Variants in EZH2 observed in about 807,000 individuals in gnomAD.
The protein encoded by EZH2 is histone-lysine N-methyltransferase EZH2.
Under a neutral mutation model 98.4 loss-of-function variants are expected in EZH2, and 18 were observed. That is an observed-to-expected ratio of 0.18 (90% CI 0.13 to 0.27). The LOEUF (loss-of-function observed/expected upper bound fraction) is 0.27. Ranked by LOEUF, EZH2 falls within the 10% of genes least tolerant of loss-of-function variation. The pLI, the probability that EZH2 is intolerant of heterozygous loss-of-function variation, is 1.00. For synonymous variants in EZH2, 338 were observed against 312.3 expected (o/e 1.08, Z -0.87); for missense variants, 470 against 935.1 (o/e 0.50, Z 6.49).
chr7:148,833,254 C>G (rs1208402533), intron 3 of EZH2, among the ~76,000 whole-genome samples: 1 of 151,876 alleles, frequency 6.6e-6, no homozygotes, highest in Non-Finnish European at 1.5e-5. Context: ...GTCAGGAGAT[C>G]GAGACCATCC....
At chr7:148,870,400 G>A (rs982652557) in intron 1 of EZH2, among the ~76,000 whole-genome samples, 2 of 151,932 alleles carry the variant, frequency 1.3e-5, no homozygotes, top group Non-Finnish European at 2.9e-5. Flanking sequence ...TCAGCATACT[G>A]TTTAATAAGT....
intron 8 of EZH2, among the ~76,000 whole-genome samples, chr7:148,824,187 C>T (rs960338857): frequency 7.2e-5 from 11 of 151,912 alleles, no homozygotes; most frequent in Non-Finnish European, 1.2e-4. Flanking sequence ...TGGTGGCGGG[C>T]GCCTGTAATC....
chr7:148,826,694 T>C, intron 7 of EZH2, 62 bp from the exon 8 acceptor site: 2 of 1,345,572 alleles, frequency 1.5e-6, no homozygotes, highest in Non-Finnish European at 2.0e-6. Context: ...TTGAAAACAG[T>C]TTCTAAAAGG....
chr7:148,812,688 C>T (rs1265269021), intron 15 of EZH2, among the ~76,000 whole-genome samples: 1 of 152,094 alleles, frequency 6.6e-6, no homozygotes, highest in Non-Finnish European at 1.5e-5. Context: ...GGAAGGAGTA[C>T]AATGGTAAGT....
At chr7:148,877,193 G>A (rs1459691109) in intron 1 of EZH2, among the ~76,000 whole-genome samples, 1 of 151,936 alleles carries the variant, frequency 6.6e-6, no homozygotes, top group African/African-American at 2.4e-5. Context: ...GAAAATTTGG[G>A]GAAGAATATA....
intron 19 of EZH2, among the ~76,000 whole-genome samples, chr7:148,808,120 G>A (rs932570628): frequency 3.3e-5 from 5 of 152,208 alleles, no homozygotes; most frequent in African/African-American, 4.8e-5. Flanking sequence ...AGAGCAGCCC[G>A]CCAGTTGCTC....
At chr7:148,831,364 TTGA>T (rs1227386775) in intron 4 of EZH2, among the ~76,000 whole-genome samples, 1 of 151,832 alleles carries the variant, frequency 6.6e-6, no homozygotes, top group African/African-American at 2.4e-5. Flanking sequence ...AAACTAGGGG[TTGA>T]TTTCTTTCTA....
intron 3 of EZH2, among the ~76,000 whole-genome samples, chr7:148,845,873 C>T (rs1298185877): frequency 2.0e-5 from 3 of 152,154 alleles, no homozygotes; most frequent in Non-Finnish European, 4.4e-5. Context: ...TCTCATCTTG[C>T]TGCAATCATG....
Position 148,807,576 on chromosome 7 carries a change from T to C in EZH2, c.*70A>G, listed in dbSNP as rs1584842972. On this transcript the variant is annotated 3_prime_UTR_variant, in exon 20 of 20. Transcript: ENST00000320356. ...CAAACTGCATGTTCTTTTTCTAAAT[T>C]GCCCACAGTACTCGAGGTTCCTGAA... The C allele has an allele frequency of 8.2e-7, 1 of 1,215,354 alleles. No individual in the cohort carries two copies. Among genetic ancestry groups the C allele is most frequent in the East Asian group, 2.5e-5 (1 of 39,866 alleles). The allele number at this position is 1,215,354 out of a possible 1,614,324, so 75.3% of individuals were successfully genotyped here. A position where few individuals can be genotyped will look rare whatever the true frequency, so the allele number is the denominator to read the frequency against.
chr7:148,881,343 T>TG (rs1563083065), intron 1 of EZH2, among the ~76,000 whole-genome samples: 1 of 152,308 alleles, frequency 6.6e-6, no homozygotes, highest in East Asian at 1.9e-4. Context: ...CAGTATGACT[T>TG]GGAGAAATTT....
At chr7:148,842,252 T>C (rs147997543) in intron 3 of EZH2, among the ~76,000 whole-genome samples, 2 of 152,276 alleles carry the variant, frequency 1.3e-5, no homozygotes, top group East Asian at 3.9e-4. Context: ...TCATAACACA[T>C]ACAGTAGAAA....
Position 148,816,137 on chromosome 7 carries a change from G to C in EZH2, c.1505+547C>G, listed in dbSNP as rs139803208. ...TTTTAAAAATGTGAGGTAGAGGTATGGGGAGATTAGAGCAGATAGTCCACT... is the reference window on the plus strand; with the variant it reads ...TTTTAAAAATGTGAGGTAGAGGTATCGGGAGATTAGAGCAGATAGTCCACT... On this transcript the variant is annotated intron_variant, in intron 12 of 19. Transcript: ENST00000320356. 1.3e-3 allele frequency among the ~76,000 whole-genome samples: 205 copies of C among 152,260 alleles called. 1 individual carries two copies. Among genetic ancestry groups the C allele is most frequent in the African/African-American group, 4.9e-3 (202 of 41,540 alleles).
chr7:148,876,192 CAGG>C (rs1474656218), intron 1 of EZH2: 5 of 151,798 alleles, frequency 3.3e-5, no homozygotes, highest in African/African-American at 1.2e-4. Context: ...GAGACTGAGG[CAGG>C]AGAATTGCTT....
At chr7:148,842,970 G>A (rs1812861208) in intron 3 of EZH2, among the ~76,000 whole-genome samples, 1 of 152,088 alleles carries the variant, frequency 6.6e-6, no homozygotes, top group East Asian at 1.9e-4. Flanking sequence ...CACTTTGGGA[G>A]GCCAAGGTGG....
intron 7 of EZH2, among the ~76,000 whole-genome samples, chr7:148,826,878 T>G (rs941185713): frequency 1.3e-5 from 2 of 152,208 alleles, no homozygotes; most frequent in Non-Finnish European, 1.5e-5. Flanking sequence ...AACATCAAAT[T>G]TCTACCAGTA....
chr7:148,828,060 G>C (rs895308695), intron 6 of EZH2, among the ~76,000 whole-genome samples: 1 of 152,228 alleles, frequency 6.6e-6, no homozygotes, highest in Non-Finnish European at 1.5e-5. Flanking sequence ...GAAGCTTGCA[G>C]TAAGCTGAGA....
At position 148,814,762 on chromosome 7, in the gene EZH2, C is replaced by G. The variant is rs377571287; in HGVS notation, c.1672+152G>C. 510 of 909,658 alleles carry G rather than the reference C, an allele frequency of 5.6e-4. 7 individuals carry two copies. In the East Asian group the frequency reaches 0.014, roughly 24 times the overall value. 56.3% of individuals were successfully genotyped at this position (909,658 alleles called of 1,614,324 possible). A position where few individuals can be genotyped will look rare whatever the true frequency, so the allele number is the denominator to read the frequency against. ...GACTGACTGGCCACTGGCACAGGGC[C>G]AGGTATGGGGCTCAATAAATACTTG... On this transcript the variant is annotated intron_variant, in intron 14 of 19. Coordinates refer to ENST00000320356, the MANE Select transcript of EZH2 (RefSeq NM_004456.5).
At chr7:148,822,989 A>G (rs934198725) in intron 8 of EZH2, among the ~76,000 whole-genome samples, 1 of 152,196 alleles carries the variant, frequency 6.6e-6, no homozygotes, top group East Asian at 1.9e-4. Context: ...TTCAACATAT[A>G]GGAAGATCCT....
rs1818567302 is a variant in EZH2, at chr7:148,866,640, ATACATATACG to A, written c.-8+17514_-8+17523del. On this transcript the variant is annotated intron_variant, in intron 1 of 19. Transcript: ENST00000320356. Reference sequence around the variant, plus strand: ...TATATGCATATATGTATATATACATATACATATACGTATATACGTATATGCATATATATGT... The same window carrying A: ...TATATGCATATATGTATATATACATATATATACGTATATGCATATATATGT... 2.0e-5 allele frequency among the ~76,000 whole-genome samples: 3 copies of A among 146,990 alleles called. No homozygotes were observed. In the East Asian group the frequency reaches 5.9e-4, roughly 29 times the overall value.
Sources: allele counts gnomAD v4.1 joint callset (sites outside exome capture counted in the v4.1 genomes callset), GRCh38; gene constraint gnomAD v4.1.1; transcripts MANE v1.5; gene names NCBI Gene and HGNC (gene_info 2026-07-23, HGNC 2026-07-21).